The following LCOR variants were observed in gnomAD, a reference collection of about 807,000 sequenced individuals.
LCOR encodes the protein ligand-dependent corepressor.
LCOR carries 14 observed loss-of-function variants against 64.4 expected under a neutral mutation model. The observed-to-expected ratio is 0.22, with a 90% CI of 0.14 to 0.34. The LOEUF is 0.34. LCOR is among the 10% of genes least tolerant of loss of function. LCOR has a pLI of 1.00. For missense variants in LCOR, 1,686 were observed against 1,765.3 expected (o/e 0.96, Z 0.80); for synonymous variants, 643 against 642.5 (o/e 1.00, Z -0.01).
At chr10:96,931,230 AT>A (rs796643815) in intron 4 of LCOR, among the ~76,000 whole-genome samples, 12,302 of 132,632 alleles carry the variant, frequency 0.093, 476 homozygotes, top group East Asian at 0.19. Flanking sequence ...AAGCACTGGT[AT>A]TTTTTTTTTT....
At chr10:96,916,587 C>CCATATATATATATATATA (rs375266535) in intron 4 of LCOR, among the ~76,000 whole-genome samples, 63 of 138,230 alleles carry the variant, frequency 4.6e-4, no homozygotes, top group African/African-American at 1.4e-3. Flanking sequence ...TATTTAAAGG[C>CCATATATATATATATATA]TATATATATA....
chr10:96,873,835 A>G (rs1846118762), intron 2 of LCOR, among the ~76,000 whole-genome samples: 1 of 151,982 alleles, frequency 6.6e-6, no homozygotes, highest in Non-Finnish European at 1.5e-5. Context: ...AGTTGTTTTG[A>G]TGTTAATTCT....
chr10:96,867,222 A>G (rs1272577333), intron 2 of LCOR, among the ~76,000 whole-genome samples: 2 of 151,946 alleles, frequency 1.3e-5, no homozygotes, highest in African/African-American at 4.8e-5. Context: ...CGAACTCCCG[A>G]CCTCAGGTGA....
At chr10:96,919,727 G>GAT (rs1449205401) in intron 4 of LCOR, among the ~76,000 whole-genome samples, 2 of 152,176 alleles carry the variant, frequency 1.3e-5, no homozygotes, top group African/African-American at 2.4e-5. Context: ...GCTTATTCCA[G>GAT]ATATATAAGT....
chr10:96,972,295 A>T (rs935059902), intron 7 of LCOR, among the ~76,000 whole-genome samples: 1 of 152,026 alleles, frequency 6.6e-6, no homozygotes. Context: ...CCCTTTTTTT[A>T]AAAAATTAAC....
At chr10:96,974,224 T>G (rs1271188048) in intron 7 of LCOR, among the ~76,000 whole-genome samples, 3 of 152,224 alleles carry the variant, frequency 2.0e-5, no homozygotes, top group African/African-American at 7.2e-5. Context: ...GTGGTCAAGG[T>G]CATGCACACC....
At chr10:96,875,867 G>GA (rs1339000875) in intron 2 of LCOR, among the ~76,000 whole-genome samples, 2 of 151,778 alleles carry the variant, frequency 1.3e-5, no homozygotes, top group South Asian at 2.1e-4. Flanking sequence ...CCCTGTCTCA[G>GA]AAAAAAACAA....
chr10:96,917,788 A>T (rs1001611828), intron 4 of LCOR, among the ~76,000 whole-genome samples: 3 of 152,206 alleles, frequency 2.0e-5, no homozygotes, highest in African/African-American at 7.2e-5. Context: ...GTCGAAGCTT[A>T]GTGATTACGT....
chr10:96,969,774 C>CTTTTTTTTTTTTTTTTTTT (rs58881683), intron 7 of LCOR, among the ~76,000 whole-genome samples: 2 of 124,114 alleles, frequency 1.6e-5, no homozygotes, highest in African/African-American at 6.1e-5. Flanking sequence ...TTTTTTTTTT[C>CTTTTTTTTTTTTTTTTTTT]TTTTTTTTTT....
chr10:96,968,256 C>T (rs1847967979), intron 7 of LCOR, among the ~76,000 whole-genome samples: 1 of 152,020 alleles, frequency 6.6e-6, no homozygotes, highest in African/African-American at 2.4e-5. Context: ...GGGACTTGTC[C>T]CTCCTCACAC....
At chr10:96,923,533 T>G (rs1191030371) in intron 4 of LCOR, among the ~76,000 whole-genome samples, 1 of 152,172 alleles carries the variant, frequency 6.6e-6, no homozygotes, top group Non-Finnish European at 1.5e-5. Context: ...TAAGTAACAC[T>G]ATGTAAGTAA....
chr10:96,890,172 A>G (rs1390363893), intron 2 of LCOR, among the ~76,000 whole-genome samples: 1 of 151,948 alleles, frequency 6.6e-6, no homozygotes, highest in African/African-American at 2.4e-5. Context: ...GCATGATCCT[A>G]GTTCAGTGTA....
chr10:96,888,162 C>T (rs1589633118), intron 2 of LCOR, among the ~76,000 whole-genome samples: 1 of 150,586 alleles, frequency 6.6e-6, no homozygotes, highest in Non-Finnish European at 1.5e-5. Context: ...GTTAGGAGTT[C>T]GAGACCAGCC....
At chr10:96,881,575 A>G (rs1368147706) in intron 2 of LCOR, among the ~76,000 whole-genome samples, 1 of 147,872 alleles carries the variant, frequency 6.8e-6, no homozygotes, top group Admixed American at 6.8e-5. Context: ...TCCTCCCTCA[A>G]CCTCCCAAGT....
At chr10:96,897,085 G>C (rs1382022785) in intron 2 of LCOR, among the ~76,000 whole-genome samples, 1 of 90,574 alleles carries the variant, frequency 1.1e-5, no homozygotes, top group Middle Eastern at 7.9e-3. Flanking sequence ...AAGAGAAAGA[G>C]AAAGAGAAAG....
intron 5 of LCOR, among the ~76,000 whole-genome samples, chr10:96,946,711 A>G (rs1489997122): frequency 6.6e-6 from 1 of 152,118 alleles, no homozygotes; most frequent in African/African-American, 2.4e-5. Context: ...GATGTAATTC[A>G]TAAACACTGT....
At chr10:96,851,753 G>A (rs544752478) in intron 2 of LCOR, among the ~76,000 whole-genome samples, 2 of 152,286 alleles carry the variant, frequency 1.3e-5, no homozygotes, top group East Asian at 3.9e-4. Flanking sequence ...AATAAATACA[G>A]TGTTCAGTAA....
intron 4 of LCOR, among the ~76,000 whole-genome samples, chr10:96,935,437 C>G (rs1363162958): frequency 1.3e-5 from 2 of 151,912 alleles, no homozygotes; most frequent in Admixed American, 6.6e-5. Context: ...GCTTAAGCCA[C>G]TGCGCCTGGT....
At chr10:96,893,425 G>T (rs908544551) in intron 2 of LCOR, among the ~76,000 whole-genome samples, 1 of 151,942 alleles carries the variant, frequency 6.6e-6, no homozygotes, top group Non-Finnish European at 1.5e-5. Context: ...GTCTAATCAC[G>T]TTATAAATTT....
Sources: gnomAD v4.1 joint callset for allele counts (sites outside exome capture counted in the v4.1 genomes callset) on GRCh38, gnomAD v4.1.1 for gene constraint, MANE v1.5 for transcripts, NCBI Gene and HGNC (gene_info 2026-07-23, HGNC 2026-07-21) for gene names.